The following VSNL1 variants were observed in gnomAD, a reference collection of about 807,000 sequenced individuals.
VSNL1 encodes the protein visinin like 1, also known as visinin-like protein 1.
In VSNL1, 6 loss-of-function variants were observed where a neutral mutation model predicts 20.4. The ratio of observed to expected loss-of-function variants is 0.29; its 90% CI spans 0.16 to 0.58. The LOEUF (loss-of-function observed/expected upper bound fraction) is 0.58, where lower values mean the gene tolerates loss of function less well. Among genes scored for constraint, VSNL1 ranks in the 20% least tolerant of loss-of-function variants. The pLI is 0.90. For missense variants in VSNL1, 100 were observed against 234.5 expected, an observed-to-expected ratio of 0.43 and a Z score of 3.75; for synonymous variants, 93 against 86.4, an observed-to-expected ratio of 1.08 and a Z score of -0.42.
chr2:17,568,398 G>C (rs1221543063), intron 1 of VSNL1, among the ~76,000 whole-genome samples: 1 of 152,224 alleles, frequency 6.6e-6, no homozygotes, highest in East Asian at 1.9e-4. Flanking sequence ...CTCCCCAGTA[G>C]CTAGGACTAT....
At chr2:17,549,516 G>A (rs1663478740) in intron 1 of VSNL1, among the ~76,000 whole-genome samples, 1 of 152,116 alleles carries the variant, frequency 6.6e-6, no homozygotes, top group African/African-American at 2.4e-5. Context: ...TTACAAGACA[G>A]CATTAAAAAG....
chr2:17,613,419 A>T (rs1665138443), intron 2 of VSNL1, among the ~76,000 whole-genome samples: 1 of 152,184 alleles, frequency 6.6e-6, no homozygotes, highest in Non-Finnish European at 1.5e-5. Context: ...GTCATGGCCA[A>T]ATTCAAATTA....
At chr2:17,626,889 C>T (rs1196243320) in intron 2 of VSNL1, among the ~76,000 whole-genome samples, 1 of 152,222 alleles carries the variant, frequency 6.6e-6, no homozygotes, top group Non-Finnish European at 1.5e-5. Context: ...AGCCCCACTC[C>T]AGCCTGGCCT....
chr2:17,542,449 G>T (rs1168033113), intron 1 of VSNL1, among the ~76,000 whole-genome samples: 2 of 152,250 alleles, frequency 1.3e-5, no homozygotes, highest in East Asian at 3.9e-4. Flanking sequence ...CCTCAAATCG[G>T]GTGTGGGGGC....
At chr2:17,584,553 C>G (rs1317228094) in intron 1 of VSNL1, among the ~76,000 whole-genome samples, 1 of 152,166 alleles carries the variant, frequency 6.6e-6, no homozygotes, top group Non-Finnish European at 1.5e-5. Context: ...TGCCAGCACC[C>G]AGCCCAGAGT....
intron 3 of VSNL1, among the ~76,000 whole-genome samples, chr2:17,652,458 T>C (rs1220032995): frequency 1.3e-5 from 2 of 152,196 alleles, no homozygotes; most frequent in Non-Finnish European, 2.9e-5. Context: ...CTGGAGGCCA[T>C]AGGTGAACCA....
intron 2 of VSNL1, among the ~76,000 whole-genome samples, chr2:17,596,526 C>A (rs1475153363): frequency 3.3e-5 from 5 of 152,012 alleles, no homozygotes; most frequent in Non-Finnish European, 7.4e-5. Context: ...GTCTCCATCC[C>A]AGGGTCCTCT....
chr2:17,567,830 T>C (rs2103353590), intron 1 of VSNL1: 1 of 152,302 alleles, frequency 6.6e-6, no homozygotes, highest in East Asian at 1.9e-4. Context: ...AAAGCTTTTT[T>C]ACTTCTTTAC....
chr2:17,626,521 C>A (rs1458177036), intron 2 of VSNL1, among the ~76,000 whole-genome samples: 1 of 152,200 alleles, frequency 6.6e-6, no homozygotes, highest in African/African-American at 2.4e-5. Context: ...CATAGATGAA[C>A]TCTTTTGGAA....
In VSNL1 at chr2:17,634,603, C is replaced by G. The variant is rs1203512572; in HGVS notation, c.163-14807C>G. Among the ~76,000 whole-genome samples the G allele has an allele frequency of 1.3e-5, 2 of 152,242 alleles. No individual in the cohort carries two copies. Among genetic ancestry groups the G allele is most frequent in the African/African-American group, 4.8e-5 (2 of 41,460 alleles). On this transcript the variant is annotated intron_variant, in intron 2 of 3. Transcript: ENST00000295156. The surrounding 1 kb of genome is among the most constrained non-coding windows in gnomAD (Gnocchi z 4.3). ...AAAGCTTAGCTGTGCCCCTTCCCGTCCCCTGACACCCTCATCTCTCCTCTG... is the reference window on the plus strand; with the variant it reads ...AAAGCTTAGCTGTGCCCCTTCCCGTGCCCTGACACCCTCATCTCTCCTCTG...
intron 1 of VSNL1, among the ~76,000 whole-genome samples, chr2:17,588,294 C>T (rs1572349967): frequency 6.6e-6 from 1 of 152,218 alleles, no homozygotes; most frequent in South Asian, 2.1e-4. Flanking sequence ...TTTACAAAAC[C>T]TATGTGGGAA....
At chr2:17,591,991 A>G (rs1664602264) in intron 1 of VSNL1, 79 bp from the exon 2 acceptor site, 1 of 1,546,788 alleles carries the variant, frequency 6.5e-7, no homozygotes, top group Non-Finnish European at 8.9e-7. Flanking sequence ...GGGACTGCTC[A>G]GAACTCTAGC....
At chr2:17,642,309 C>CT (rs577471307) in intron 2 of VSNL1, among the ~76,000 whole-genome samples, 7,193 of 93,238 alleles carry the variant, frequency 0.077, 1,214 homozygotes, top group Middle Eastern at 0.26. Flanking sequence ...GTGAGCATTC[C>CT]TTTTTTTTTT....
At chr2:17,633,945 A>G (rs1665694893) in intron 2 of VSNL1, among the ~76,000 whole-genome samples, 1 of 152,204 alleles carries the variant, frequency 6.6e-6, no homozygotes, top group African/African-American at 2.4e-5. Flanking sequence ...AGCATGGGCA[A>G]AGCATGCAAA....
intron 3 of VSNL1, among the ~76,000 whole-genome samples, chr2:17,650,470 G>C (rs968715155): frequency 6.6e-6 from 1 of 152,226 alleles, no homozygotes. Context: ...AGCCTGGCAG[G>C]CATGCAATAG....
intron 2 of VSNL1, among the ~76,000 whole-genome samples, chr2:17,614,536 T>C (rs1665170965): frequency 6.6e-6 from 1 of 152,176 alleles, no homozygotes. Context: ...CCTGTCCCCA[T>C]TTTCCTCCAA....
In VSNL1 at chr2:17,649,638, G is replaced by A. The variant is rs1666080481; in HGVS notation, c.378+13G>A. On this transcript the variant is annotated intron_variant, in intron 3 of 3. Transcript: ENST00000295156. The surrounding 1 kb of genome is among the most constrained non-coding windows in gnomAD (Gnocchi z 6.4). ...GGAGATCATCGAGGTGAGGCCCGGG[G>A]TGTGGTTGGCGGGTGGTGGGCACAG... 4 of 1,613,700 alleles carry A rather than the reference G, an allele frequency of 2.5e-6. No homozygotes were observed. Among genetic ancestry groups the A allele is most frequent in the Non-Finnish European group, 3.4e-6 (4 of 1,179,870 alleles).
intron 1 of VSNL1, among the ~76,000 whole-genome samples, chr2:17,587,593 G>C (rs1428114891): frequency 1.3e-5 from 2 of 152,102 alleles, no homozygotes; most frequent in Non-Finnish European, 2.9e-5. Flanking sequence ...GATGAGAGAT[G>C]AGCGAAACTC....
At chr2:17,597,853 T>C (rs1252119917) in intron 2 of VSNL1, among the ~76,000 whole-genome samples, 1 of 152,218 alleles carries the variant, frequency 6.6e-6, no homozygotes, top group East Asian at 1.9e-4. Context: ...CATCTTATTT[T>C]TGAGTAATGC....
Sources: gnomAD v4.1 joint callset for allele counts (sites outside exome capture counted in the v4.1 genomes callset) on GRCh38, gnomAD v4.1.1 for gene constraint, Gnocchi (gnomAD v3.1) non-coding constraint, MANE v1.5 for transcripts, NCBI Gene and HGNC (gene_info 2026-07-23, HGNC 2026-07-21) for gene names.